PDE11A: variants seen among roughly 807,000 people sequenced by gnomAD.
The protein encoded by PDE11A is phosphodiesterase 11A.
In PDE11A, 100 loss-of-function variants were observed where a neutral mutation model predicts 100.5. The ratio of observed to expected loss-of-function variants is 1.00; its 90% CI spans 0.85 to 1.18. The LOEUF is 1.18. Among genes scored for constraint, PDE11A ranks in the 50% most tolerant of loss-of-function variants. PDE11A has a pLI of 0.00. For synonymous variants in PDE11A, 381 were observed against 420.8 expected (o/e 0.91, Z 1.16); for missense variants, 1,141 against 1,152.6 (o/e 0.99, Z 0.15).
intron 17 of PDE11A, among the ~76,000 whole-genome samples, chr2:177,670,368 C>A (rs1313180118): frequency 1.7e-5 from 2 of 116,166 alleles, no homozygotes; most frequent in African/African-American, 3.0e-5. Flanking sequence ...CTGATTATTG[C>A]CAAGCTAAAC....
rs965743278 is a variant in PDE11A at position 178,054,640 on chromosome 2, A to G, written c.912+16886T>C. On this transcript the variant is annotated intron_variant, in intron 1 of 19. Coordinates refer to ENST00000286063, the MANE Select transcript of PDE11A (RefSeq NM_016953.4). ...TATCCAGAATCTACAAAGAACTTAA[A>G]CAAATTTATAAGAAAAATCAAACAA... Among the ~76,000 whole-genome samples the G allele has an allele frequency of 5.3e-5, 8 of 152,214 alleles. 1 individual carries two copies. The highest frequency in any genetic ancestry group is 4.6e-4 in the Admixed American group (7 of 15,290).
chr2:177,784,272 A>G (rs1264388006), intron 9 of PDE11A, among the ~76,000 whole-genome samples: 1 of 151,652 alleles, frequency 6.6e-6, no homozygotes, highest in African/African-American at 2.4e-5. Flanking sequence ...GGCTATGAAA[A>G]CAACCTCTGG....
intron 19 of PDE11A, among the ~76,000 whole-genome samples, chr2:177,630,564 A>G (rs140538747): frequency 6.2e-4 from 94 of 152,346 alleles, no homozygotes; most frequent in African/African-American, 2.1e-3. Context: ...AGCAATAGGT[A>G]AATATTTTAC....
intron 2 of PDE11A, among the ~76,000 whole-genome samples, chr2:177,940,684 G>C (rs2085335804): frequency 6.6e-6 from 1 of 152,138 alleles, no homozygotes; most frequent in South Asian, 2.1e-4. Context: ...TGTTCTGCAT[G>C]GTATTAATAG....
chr2:178,078,732 T>A (rs1440973424), intron 2 of PDE11A, among the ~76,000 whole-genome samples: 1 of 152,202 alleles, frequency 6.6e-6, no homozygotes. Flanking sequence ...ATTTTCTATA[T>A]ATTTGGAGAT....
chr2:178,010,900 A>G (rs180997644), intron 2 of PDE11A, among the ~76,000 whole-genome samples: 66 of 152,338 alleles, frequency 4.3e-4, no homozygotes, highest in African/African-American at 1.5e-3. Flanking sequence ...AAAGAAATAT[A>G]TTCCCCTTTT....
rs1332487122 is a variant in PDE11A, at chr2:177,638,086, G to A, written c.2647-8524C>T. Reference sequence around the variant, plus strand: ...GCGATCTCCGCTCACTGCAAGCTCCGCCTCCCAGGTTCACGCCATTCTCCT... The same window carrying A: ...GCGATCTCCGCTCACTGCAAGCTCCACCTCCCAGGTTCACGCCATTCTCCT... On this transcript the variant is annotated intron_variant, in intron 19 of 19. Coordinates refer to ENST00000286063, the MANE Select transcript of PDE11A (RefSeq NM_016953.4). 7.7e-5 allele frequency among the ~76,000 whole-genome samples: 11 copies of A among 143,592 alleles called. No individual in the cohort carries two copies. The East Asian group carries it at 1.6e-3, about 21-fold the overall frequency. The allele number at this position is 143,592 out of a possible 152,430, so 94.2% of individuals were successfully genotyped here. A position where few individuals can be genotyped will look rare whatever the true frequency, so the allele number is the denominator to read the frequency against.
rs184263568 is a variant in PDE11A, at chr2:177,884,039, C to T, written c.1303-8116G>A. Among the ~76,000 whole-genome samples the T allele has an allele frequency of 9.7e-4, 148 of 152,252 alleles. 3 individuals carry two copies. Among genetic ancestry groups the T allele is most frequent in the Non-Finnish European group, 5.4e-4 (37 of 68,014 alleles). ...ACTGGCAGCCAGAGGACAAGAAAGC[C>T]CAAGTGGTGTGGTAAGCAAAGATCA... On this transcript the variant is annotated intron_variant, in intron 4 of 19. Transcript: ENST00000286063.
chr2:177,831,381 C>G (rs1042565831), intron 6 of PDE11A, among the ~76,000 whole-genome samples: 2 of 152,216 alleles, frequency 1.3e-5, no homozygotes, highest in African/African-American at 4.8e-5. Flanking sequence ...GGCAGAGTTT[C>G]TAAGGACTTC....
At chr2:177,984,103 T>C in intron 2 of PDE11A, among the ~76,000 whole-genome samples, 1 of 152,184 alleles carries the variant, frequency 6.6e-6, no homozygotes, top group Non-Finnish European at 1.5e-5. Flanking sequence ...TGTGCAATTG[T>C]TGGACAGCTT....
rs1241549049 is a variant in PDE11A at position 177,627,122 on chromosome 2, C to T, written c.*2285G>A. 1 of 135,000 alleles carries T rather than the reference C, an allele frequency of 7.4e-6. No individual in the cohort carries two copies. The highest frequency in any genetic ancestry group is 1.5e-5 in the Non-Finnish European group (1 of 65,398). The allele number at this position is 135,000 out of a possible 1,614,324, so 8.4% of individuals were successfully genotyped here. On this transcript the variant is annotated 3_prime_UTR_variant, in exon 20 of 20. Transcript: ENST00000286063. The stretch of plus-strand genomic sequence containing the variant: ...GATCTCGACTCACTGCAAGCTCCGC[C>T]TCGCGGGTTCCCGCCATTCTCTTGC...
At chr2:177,915,391 T>C (rs1418485532) in intron 2 of PDE11A, among the ~76,000 whole-genome samples, 1 of 152,218 alleles carries the variant, frequency 6.6e-6, no homozygotes, top group Non-Finnish European at 1.5e-5. Flanking sequence ...CTGATCTTTT[T>C]ATTGACTCTG....
intron 2 of PDE11A, among the ~76,000 whole-genome samples, chr2:177,929,592 C>A (rs1039084606): frequency 7.9e-5 from 12 of 152,304 alleles, no homozygotes; most frequent in African/African-American, 2.9e-4. Flanking sequence ...TGTGGTCTAC[C>A]TTCCCTTTCA....
intron 10 of PDE11A, among the ~76,000 whole-genome samples, chr2:177,754,289 CCT>C (rs1175353548): frequency 6.6e-6 from 1 of 152,130 alleles, no homozygotes; most frequent in Non-Finnish European, 1.5e-5. Flanking sequence ...AATAAATCTC[CCT>C]GAGTCTACAT....
intron 12 of PDE11A, among the ~76,000 whole-genome samples, chr2:177,714,569 C>G (rs1037110357): frequency 6.6e-6 from 1 of 152,210 alleles, no homozygotes; most frequent in African/African-American, 2.4e-5. Flanking sequence ...TCACCAGAAT[C>G]TGCCCTTGAA....
intron 2 of PDE11A, among the ~76,000 whole-genome samples, chr2:177,969,227 A>G (rs1169917075): frequency 6.6e-6 from 1 of 152,148 alleles, no homozygotes; most frequent in African/African-American, 2.4e-5. Flanking sequence ...ATGAGAACAC[A>G]TGGACACAGG....
intron 9 of PDE11A, among the ~76,000 whole-genome samples, chr2:177,801,339 A>G (rs1422705302): frequency 6.6e-6 from 1 of 152,208 alleles, no homozygotes; most frequent in Non-Finnish European, 1.5e-5. Flanking sequence ...AAGGTTCATG[A>G]CAATATGAAT....
At chr2:177,871,440 C>A (rs889207587) in intron 5 of PDE11A, among the ~76,000 whole-genome samples, 4 of 151,654 alleles carry the variant, frequency 2.6e-5, no homozygotes, top group African/African-American at 7.3e-5. Context: ...GGCAAGGAAG[C>A]CCACATCATA....
chr2:177,729,058 G>T (rs557090331), intron 10 of PDE11A, among the ~76,000 whole-genome samples: 1 of 152,126 alleles, frequency 6.6e-6, no homozygotes, highest in South Asian at 2.1e-4. Flanking sequence ...TCTATTCACT[G>T]GGTTTAAATT....
Sources: allele counts gnomAD v4.1 joint callset (sites outside exome capture counted in the v4.1 genomes callset), GRCh38; gene constraint gnomAD v4.1.1; transcripts MANE v1.5; gene names NCBI Gene and HGNC (gene_info 2026-07-23, HGNC 2026-07-21).